The following PTPRD variants were observed in gnomAD, a reference collection of about 807,000 sequenced individuals.
PTPRD encodes the protein protein tyrosine phosphatase receptor type D.
A neutral mutation model predicts 214.5 loss-of-function variants in PTPRD; 34 were observed. That is an observed-to-expected ratio of 0.16 (90% confidence interval 0.12 to 0.21). The LOEUF is 0.21. PTPRD is among the 10% of genes least tolerant of loss of function. PTPRD has a pLI of 1.00. For missense variants in PTPRD, 2,545 were observed against 2,398.7 expected (o/e 1.06, Z -1.27); for synonymous variants, 1,128 against 845.7 (o/e 1.33, Z -5.79).
At chr9:9,228,874 C>G (rs538661158) in intron 9 of PTPRD, among the ~76,000 whole-genome samples, 2 of 152,188 alleles carry the variant, frequency 1.3e-5, no homozygotes, top group Admixed American at 1.3e-4. Context: ...TTCTAATAAG[C>G]AGGCTCCACA....
At chr9:9,294,827 A>C (rs1952460130) in intron 9 of PTPRD, among the ~76,000 whole-genome samples, 1 of 151,698 alleles carries the variant, frequency 6.6e-6, no homozygotes. Context: ...CATGTGCACT[A>C]TTAAGATTAG....
chr9:10,439,482 C>A (rs2098744922), intron 2 of PTPRD, among the ~76,000 whole-genome samples: 1 of 151,594 alleles, frequency 6.6e-6, no homozygotes, highest in African/African-American at 2.4e-5. Context: ...TTACATTGGA[C>A]ATTTATTTAC....
chr9:9,150,888 C>T (rs112369710), intron 10 of PTPRD, among the ~76,000 whole-genome samples: 84 of 152,170 alleles, frequency 5.5e-4, no homozygotes, highest in African/African-American at 1.8e-3. Flanking sequence ...TTCCTTGGGG[C>T]GGCCTGTTGA....
intron 9 of PTPRD, among the ~76,000 whole-genome samples, chr9:9,257,337 G>C (rs2099978170): frequency 6.6e-6 from 1 of 151,956 alleles, no homozygotes; most frequent in Non-Finnish European, 1.5e-5. Context: ...TGTTGAGTCT[G>C]TGGTAGTTTC....
intron 9 of PTPRD, among the ~76,000 whole-genome samples, chr9:9,244,366 A>G (rs1014579089): frequency 6.6e-6 from 1 of 152,124 alleles, no homozygotes; most frequent in Non-Finnish European, 1.5e-5. Context: ...TGGAGGCATC[A>G]CACTACCTGA....
chr9:9,553,862 T>C (rs2080904447), intron 8 of PTPRD, among the ~76,000 whole-genome samples: 1 of 152,034 alleles, frequency 6.6e-6, no homozygotes, highest in Admixed American at 6.6e-5. Flanking sequence ...AGTTACTTAA[T>C]TGCTGATTAT....
intron 3 of PTPRD, among the ~76,000 whole-genome samples, chr9:10,118,196 TTATCTATC>T (rs56038500): frequency 0.019 from 2,845 of 148,916 alleles, 50 homozygotes; most frequent in African/African-American, 0.045. Flanking sequence ...CTCACATTTA[TTATCTATC>T]TATCTATCTA....
At chr9:8,753,787 T>C (rs1393341565) in intron 11 of PTPRD, among the ~76,000 whole-genome samples, 1 of 152,202 alleles carries the variant, frequency 6.6e-6, no homozygotes, top group South Asian at 2.1e-4. Flanking sequence ...TTAGATAGCA[T>C]GATCAATAAA....
At chr9:8,911,578 A>T (rs1246750976) in intron 11 of PTPRD, among the ~76,000 whole-genome samples, 3 of 152,174 alleles carry the variant, frequency 2.0e-5, no homozygotes, top group Non-Finnish European at 2.9e-5. Context: ...AGAAGGAAAC[A>T]CAAGAGAAAA....
At chr9:10,173,989 C>T (rs115874720) in intron 3 of PTPRD, among the ~76,000 whole-genome samples, 251 of 152,172 alleles carry the variant, frequency 1.6e-3, no homozygotes, top group African/African-American at 5.9e-3. Context: ...AAATGCCAGC[C>T]ATATGTGTAT....
At chr9:8,376,175 AT>A in intron 38 of PTPRD, 85 bp from the exon 39 acceptor site, 1 of 1,495,888 alleles carries the variant, frequency 6.7e-7, no homozygotes, top group South Asian at 1.2e-5. Context: ...TAATGCTAAA[AT>A]GTGCTATTTT....
At chr9:9,342,201 T>C (rs1368047075) in intron 9 of PTPRD, among the ~76,000 whole-genome samples, 2 of 152,194 alleles carry the variant, frequency 1.3e-5, no homozygotes, top group Non-Finnish European at 2.9e-5. Flanking sequence ...ACAGATGTTG[T>C]GGTCAAGTGA....
chr9:9,714,894 G>A (rs1459993454), intron 7 of PTPRD, among the ~76,000 whole-genome samples: 1 of 152,126 alleles, frequency 6.6e-6, no homozygotes, highest in Non-Finnish European at 1.5e-5. Context: ...TGGTAAATAG[G>A]GGGGTAAATT....
chr9:9,637,241 C>T (rs2095801166), intron 7 of PTPRD, among the ~76,000 whole-genome samples: 1 of 152,142 alleles, frequency 6.6e-6, no homozygotes, highest in Admixed American at 6.5e-5. Flanking sequence ...CCCCCAAAGT[C>T]TTAATTCACT....
In PTPRD at chr9:9,422,146, G is replaced by A. The variant is rs553401721; in HGVS notation, c.-236-24664C>T. On this transcript the variant is annotated intron_variant, in intron 8 of 45. Transcript: ENST00000381196. ...CTACACTAAGAGCTTTGTATGCATC[G>A]CTTTGTTCACTATTCACAAATATGT... Among the ~76,000 whole-genome samples, 8 of 152,078 alleles carry A rather than the reference G, an allele frequency of 5.3e-5. No individual in the cohort carries two copies. In the South Asian group the frequency reaches 1.5e-3, roughly 28 times the overall value.
chr9:8,635,770 G>A (rs537057644), intron 13 of PTPRD, among the ~76,000 whole-genome samples: 3 of 152,180 alleles, frequency 2.0e-5, no homozygotes, highest in African/African-American at 4.8e-5. Flanking sequence ...GGGGGTATTG[G>A]TAGCCCCTAA....
At chr9:8,950,972 G>C (rs2099098584) in intron 11 of PTPRD, among the ~76,000 whole-genome samples, 1 of 152,008 alleles carries the variant, frequency 6.6e-6, no homozygotes, top group African/African-American at 2.4e-5. Context: ...GAAACGTTTT[G>C]ATAGTTGAAT....
intron 2 of PTPRD, among the ~76,000 whole-genome samples, chr9:10,547,250 A>G (rs773184192): frequency 9.9e-5 from 15 of 152,108 alleles, no homozygotes; most frequent in Non-Finnish European, 2.1e-4. Flanking sequence ...CAATTTTACA[A>G]ATTATTCTAA....
At chr9:10,054,904 G>T (rs1049242516) in intron 3 of PTPRD, among the ~76,000 whole-genome samples, 1 of 152,054 alleles carries the variant, frequency 6.6e-6, no homozygotes, top group Non-Finnish European at 1.5e-5. Flanking sequence ...GTATTTGGGG[G>T]TGGGGTCTTT....
Sources: gnomAD v4.1 joint callset for allele counts (sites outside exome capture counted in the v4.1 genomes callset) on GRCh38, gnomAD v4.1.1 for gene constraint, MANE v1.5 for transcripts, NCBI Gene and HGNC (gene_info 2026-07-23, HGNC 2026-07-21) for gene names.